CHN2: variants seen among roughly 807,000 people sequenced by gnomAD.
CHN2 encodes beta-chimaerin.
In CHN2, 35 loss-of-function variants were observed where a neutral mutation model predicts 56.3. The ratio of observed to expected loss-of-function variants is 0.62; its 90% confidence interval spans 0.47 to 0.82. The LOEUF is 0.82. Among genes scored for constraint, CHN2 ranks in the 40% least tolerant of loss-of-function variants. The pLI, the probability that CHN2 is intolerant of heterozygous loss-of-function variation, is 0.00. For synonymous variants in CHN2, 210 were observed against 212.8 expected (o/e 0.99, Z 0.12); for missense variants, 491 against 580.5 (o/e 0.85, Z 1.58).
chr7:29,365,158 G>C (rs977203887), intron 2 of CHN2, among the ~76,000 whole-genome samples: 2 of 152,152 alleles, frequency 1.3e-5, no homozygotes, highest in Non-Finnish European at 2.9e-5. Flanking sequence ...ACAGAGATTG[G>C]TAAACCAAGC....
chr7:29,498,333 C>A (rs1187783532), intron 8 of CHN2, among the ~76,000 whole-genome samples: 1 of 152,192 alleles, frequency 6.6e-6, no homozygotes, highest in African/African-American at 2.4e-5. Context: ...ACCCAGCCAA[C>A]TCTATTTAGC....
chr7:29,332,498 G>T (rs576800909), intron 1 of CHN2, among the ~76,000 whole-genome samples: 2 of 152,064 alleles, frequency 1.3e-5, no homozygotes, highest in Non-Finnish European at 2.9e-5. Context: ...ATCTTTTCCC[G>T]GGCTGGTGAT....
intron 1 of CHN2, among the ~76,000 whole-genome samples, chr7:29,196,859 G>A (rs916189630): frequency 3.3e-5 from 5 of 152,152 alleles, no homozygotes; most frequent in Admixed American, 3.3e-4. Flanking sequence ...TCTTTTTCCT[G>A]CTTTATTTAC....
chr7:29,397,229 T>C (rs188077317), intron 4 of CHN2: 2 of 152,342 alleles, frequency 1.3e-5, no homozygotes. Context: ...TTTTTAAGGA[T>C]AGAGGGAATT....
intron 1 of CHN2, among the ~76,000 whole-genome samples, chr7:29,352,502 A>C (rs1383280862): frequency 1.3e-5 from 2 of 152,140 alleles, no homozygotes; most frequent in Non-Finnish European, 2.9e-5. Context: ...CGGGTGGATC[A>C]CTTGAGGTCA....
At chr7:29,298,399 G>A (rs1040308959) in intron 1 of CHN2, among the ~76,000 whole-genome samples, 1 of 152,160 alleles carries the variant, frequency 6.6e-6, no homozygotes, top group Non-Finnish European at 1.5e-5. Flanking sequence ...ATGTGTTTCG[G>A]GGGGGTTGCA....
At position 29,482,970 on chromosome 7, in the gene CHN2, C is replaced by T. The variant is rs140237623; in HGVS notation, c.654+2614C>T. On this transcript the variant is annotated intron_variant, in intron 7 of 12. Transcript: ENST00000222792. ...CCAAGTAGCTGGGACTACAGGCGCC[C>T]GCCAACACACCCGGCTAATTTTTTG... Among the ~76,000 whole-genome samples, 1,027 of 151,064 alleles carry T rather than the reference C, an allele frequency of 6.8e-3. 16 individuals carry two copies. The highest frequency in any genetic ancestry group is 0.024 in the African/African-American group (968 of 40,972).
intron 2 of CHN2, among the ~76,000 whole-genome samples, chr7:29,187,499 G>A (rs1308300329): frequency 2.0e-5 from 3 of 152,000 alleles, no homozygotes; most frequent in African/African-American, 7.3e-5. Context: ...CGAGGTGGGC[G>A]GATCACCTGA....
intron 9 of CHN2, 30 bp from the exon 10 acceptor site, chr7:29,504,714 A>G (rs1305560280): frequency 9.0e-6 from 13 of 1,437,734 alleles, no homozygotes; most frequent in Non-Finnish European, 1.2e-5. Context: ...TCAAGAAGCT[A>G]AAGTCAGTCT....
intron 1 of CHN2, among the ~76,000 whole-genome samples, chr7:29,260,128 C>T (rs1291085266): frequency 6.6e-6 from 1 of 152,086 alleles, no homozygotes; most frequent in Non-Finnish European, 1.5e-5. Context: ...CAGGCACCCA[C>T]CATCATGCCC....
At chr7:29,268,321 C>CACACACAA (rs1790322079) in intron 1 of CHN2, among the ~76,000 whole-genome samples, 1 of 151,490 alleles carries the variant, frequency 6.6e-6, no homozygotes, top group Non-Finnish European at 1.5e-5. Flanking sequence ...CACACACACA[C>CACACACAA]AATGTCCTTC....
intron 12 of CHN2, 136 bp from the exon 13 acceptor site, chr7:29,512,428 C>G: frequency 2.8e-6 from 2 of 717,428 alleles, no homozygotes; most frequent in Middle Eastern, 2.8e-4. Flanking sequence ...AAATACCTTT[C>G]TGCTGTTCTG....
At chr7:29,195,629 A>AGAGAGAGAGAGAGAGAGAGAGAGAGT (rs869037854) in intron 1 of CHN2, among the ~76,000 whole-genome samples, 2 of 117,500 alleles carry the variant, frequency 1.7e-5, no homozygotes, top group South Asian at 2.9e-4. Flanking sequence ...AGAGAGAGAG[A>AGAGAGAGAGAGAGAGAGAGAGAGAGT]GTGTGTGTGT....
At chr7:29,480,763 G>A (rs1787111080) in intron 7 of CHN2, among the ~76,000 whole-genome samples, 1 of 152,186 alleles carries the variant, frequency 6.6e-6, no homozygotes, top group African/African-American at 2.4e-5. Flanking sequence ...CCTGTTTCTC[G>A]TTTTGTGTTT....
chr7:29,314,452 G>A (rs1324994208), intron 1 of CHN2, among the ~76,000 whole-genome samples: 1 of 152,200 alleles, frequency 6.6e-6, no homozygotes, highest in Non-Finnish European at 1.5e-5. Flanking sequence ...GAGTTCTAAA[G>A]ATTGGTCTCA....
At chr7:29,330,270 G>C (rs1796121131) in intron 1 of CHN2, among the ~76,000 whole-genome samples, 1 of 152,278 alleles carries the variant, frequency 6.6e-6, no homozygotes, top group East Asian at 1.9e-4. Context: ...GTGGTTCGTA[G>C]TAAAGTGCTT....
In CHN2 at chr7:29,275,554, A is replaced by G. The variant is rs562794421; in HGVS notation, c.50-79071A>G. 2.0e-5 allele frequency among the ~76,000 whole-genome samples: 3 copies of G among 152,362 alleles called. No homozygotes were observed. In the South Asian group the frequency reaches 6.2e-4, roughly 32 times the overall value. On this transcript the variant is annotated intron_variant, in intron 1 of 12. Coordinates refer to ENST00000222792, the MANE Select transcript of CHN2 (RefSeq NM_004067.4). ...GGGCAAGAATAGCAATATAATCACA[A>G]CTAGTAAGAACAATTGCTAATATTT...
At chr7:29,280,879 C>T (rs1791652103) in intron 1 of CHN2, among the ~76,000 whole-genome samples, 1 of 152,136 alleles carries the variant, frequency 6.6e-6, no homozygotes, top group African/African-American at 2.4e-5. Context: ...GGTGGATCAC[C>T]TGAGGTCAGG....
chr7:29,337,231 C>T (rs557228264), intron 1 of CHN2, among the ~76,000 whole-genome samples: 3 of 152,244 alleles, frequency 2.0e-5, no homozygotes, highest in South Asian at 2.1e-4. Context: ...TCCTTATGAC[C>T]GTGCTGCTGA....
Sources: gnomAD v4.1 joint callset for allele counts (sites outside exome capture counted in the v4.1 genomes callset) on GRCh38, gnomAD v4.1.1 for gene constraint, MANE v1.5 for transcripts, NCBI Gene and HGNC (gene_info 2026-07-23, HGNC 2026-07-21) for gene names.